Variants in ANO4 observed in about 807,000 individuals in gnomAD.
The protein encoded by ANO4 is anoctamin-4.
In ANO4, 69 loss-of-function variants were observed where a neutral mutation model predicts 141.9. That is an observed-to-expected ratio of 0.49 (90% CI 0.40 to 0.59). The LOEUF (loss-of-function observed/expected upper bound fraction) is 0.59. Among genes scored for constraint, ANO4 ranks in the 20% least tolerant of loss-of-function variants. ANO4 has a pLI of 0.00. For missense variants in ANO4, 894 were observed against 1,162.2 expected (o/e 0.77, Z 3.36); for synonymous variants, 350 against 394.3 (o/e 0.89, Z 1.33).
intron 1 of ANO4, among the ~76,000 whole-genome samples, chr12:100,884,227 G>A (rs1195925668): frequency 1.3e-5 from 2 of 152,250 alleles, no homozygotes; most frequent in Admixed American, 6.5e-5. Context: ...GCATAGAACT[G>A]TAGTCAGTAA....
chr12:100,867,028 A>G (rs952670621), intron 1 of ANO4, among the ~76,000 whole-genome samples: 4 of 152,206 alleles, frequency 2.6e-5, no homozygotes, highest in Non-Finnish European at 5.9e-5. Flanking sequence ...TGTTATCCGC[A>G]GTAAGCAAAT....
At chr12:101,047,138 A>C (rs905020340) in intron 13 of ANO4, among the ~76,000 whole-genome samples, 1 of 152,186 alleles carries the variant, frequency 6.6e-6, no homozygotes, top group Admixed American at 6.5e-5. Context: ...AATCGCAGCT[A>C]CTTGGGAGGC....
intron 10 of ANO4, among the ~76,000 whole-genome samples, chr12:101,037,651 T>G (rs1481515949): frequency 6.6e-6 from 1 of 152,244 alleles, no homozygotes; most frequent in Non-Finnish European, 1.5e-5. Flanking sequence ...ATTTCCTACA[T>G]AGTCTCCATC....
At chr12:101,052,256 ATCCCT>A (rs2047904012) in intron 14 of ANO4, among the ~76,000 whole-genome samples, 1 of 152,100 alleles carries the variant, frequency 6.6e-6, no homozygotes, top group Non-Finnish European at 1.5e-5. Flanking sequence ...CTCCCTCGGG[ATCCCT>A]GAGGTATGCT....
rs1471471278 is a variant in ANO4 at position 101,012,090 on chromosome 12, C to CA, written c.735-7937dup. Among the ~76,000 whole-genome samples the CA allele has an allele frequency of 2.6e-5, 4 of 152,006 alleles. 1 individual carries two copies. The highest frequency in any genetic ancestry group is 9.7e-5 in the African/African-American group (4 of 41,440). ...ACTGATTTTGAGAATCTTCAAATTA[C>CA]AAAAAAAGTTAAAATTTATCTATAA... On this transcript the variant is annotated intron_variant, in intron 8 of 27. Coordinates refer to ENST00000392977, the MANE Select transcript of ANO4 (RefSeq NM_001286615.2).
chr12:100,874,206 G>A (rs1302875735), intron 1 of ANO4, among the ~76,000 whole-genome samples: 6 of 152,238 alleles, frequency 3.9e-5, no homozygotes, highest in Admixed American at 3.9e-4. Context: ...CTAGGGCAGT[G>A]TGGAGGGAAA....
At chr12:100,896,057 G>A (rs2040336254) in intron 1 of ANO4, among the ~76,000 whole-genome samples, 1 of 152,016 alleles carries the variant, frequency 6.6e-6, no homozygotes, top group South Asian at 2.1e-4. Flanking sequence ...ACATCCCCAA[G>A]GATGGACAGG....
chr12:101,060,393 G>C (rs774005267), intron 14 of ANO4, among the ~76,000 whole-genome samples: 1 of 152,190 alleles, frequency 6.6e-6, no homozygotes, highest in Admixed American at 6.5e-5. Flanking sequence ...ATGTCTATTA[G>C]GTTCGCTTGG....
Position 100,971,417 on chromosome 12 carries a change from A to G in ANO4, c.557+11A>G. On this transcript the variant is annotated intron_variant, in intron 6 of 27. Coordinates refer to ENST00000392977, the MANE Select transcript of ANO4 (RefSeq NM_001286615.2). ...AAGAATGCCTTTCAGGTAGGTGGAA[A>G]TGTATTTTATTCCACTCTCTCTGCT... 1.3e-6 allele frequency: 2 copies of G among 1,538,410 alleles called. No individual in the cohort carries two copies. The highest frequency in any genetic ancestry group is 1.1e-5 in the South Asian group (1 of 88,230).
At chr12:100,743,608 AC>A (rs2031969524) in intron 3 of ANO4, among the ~76,000 whole-genome samples, 1 of 152,166 alleles carries the variant, frequency 6.6e-6, no homozygotes, top group Admixed American at 6.6e-5. Flanking sequence ...TATTTTGAGG[AC>A]AAAAATAAGG....
At chr12:100,967,089 G>T (rs1245415554) in intron 5 of ANO4, among the ~76,000 whole-genome samples, 1 of 152,034 alleles carries the variant, frequency 6.6e-6, no homozygotes, top group Non-Finnish European at 1.5e-5. Flanking sequence ...AAAAAATTTT[G>T]TGTGTGAATC....
At chr12:100,995,026 A>G (rs1054658680) in intron 8 of ANO4, among the ~76,000 whole-genome samples, 1 of 152,190 alleles carries the variant, frequency 6.6e-6, no homozygotes, top group African/African-American at 2.4e-5. Context: ...TCCAGCCTCA[A>G]AAGTCACTAT....
intron 5 of ANO4, among the ~76,000 whole-genome samples, chr12:100,946,452 G>A (rs1352728747): frequency 2.0e-5 from 3 of 152,164 alleles, no homozygotes; most frequent in Non-Finnish European, 2.9e-5. Flanking sequence ...GCACATAGAA[G>A]AGAGGAAGAT....
At chr12:100,776,297 G>A (rs2033500820) in intron 3 of ANO4, among the ~76,000 whole-genome samples, 1 of 152,152 alleles carries the variant, frequency 6.6e-6, no homozygotes, top group Non-Finnish European at 1.5e-5. Context: ...GGCAGTGACT[G>A]GATTGCTTGC....
intron 1 of ANO4, among the ~76,000 whole-genome samples, chr12:100,725,546 C>G (rs1204430962): frequency 2.6e-5 from 4 of 151,898 alleles, no homozygotes; most frequent in Non-Finnish European, 5.9e-5. Flanking sequence ...CGGGGTTTCA[C>G]CATGTTAGCC....
intron 1 of ANO4, among the ~76,000 whole-genome samples, chr12:100,841,495 A>G (rs1260713127): frequency 6.6e-6 from 1 of 152,184 alleles, no homozygotes; most frequent in Non-Finnish European, 1.5e-5. Flanking sequence ...AAATGCTACA[A>G]AGAAAGATGA....
chr12:100,997,713 C>G (rs2045455164), intron 8 of ANO4, among the ~76,000 whole-genome samples: 1 of 151,998 alleles, frequency 6.6e-6, no homozygotes, highest in Non-Finnish European at 1.5e-5. Context: ...AACGTAGTAA[C>G]TCATGTGATT....
rs1055734 is a variant in ANO4, at chr12:101,126,911, A to G, written c.2709A>G (p.Ser903=). The part of the protein sequence containing the change: ...HLVFCIKHLI[S]YLIPDLPKDL... ...TGTTTTGTATAAAGCACCTCATTTCATATCTGATCCCAGACCTCCCAAAAG... is the reference window on the plus strand; with the variant it reads ...TGTTTTGTATAAAGCACCTCATTTCGTATCTGATCCCAGACCTCCCAAAAG... Residue 903 remains serine (S), a synonymous_variant, in exon 27 of 28, where the codon TCA becomes TCG. Transcript: ENST00000392977. 0.15 allele frequency: 244,277 copies of G among 1,612,958 alleles called. 19,079 individuals carry two copies. The highest frequency in any genetic ancestry group is 0.2 in the East Asian group (8,818 of 44,858).
At chr12:100,769,105 A>G (rs1180458017) in intron 3 of ANO4, among the ~76,000 whole-genome samples, 1 of 152,220 alleles carries the variant, frequency 6.6e-6, no homozygotes, top group Admixed American at 6.5e-5. Context: ...ACCTATTCAC[A>G]CAATCATTTT....
Sources: allele counts gnomAD v4.1 joint callset (sites outside exome capture counted in the v4.1 genomes callset), GRCh38; gene constraint gnomAD v4.1.1; transcripts MANE v1.5; gene names NCBI Gene and HGNC (gene_info 2026-07-23, HGNC 2026-07-21).